Variants in KCNIP4 observed in about 807,000 individuals in gnomAD.
The protein encoded by KCNIP4 is potassium voltage-gated channel interacting protein 4.
A neutral mutation model predicts 34.0 loss-of-function variants in KCNIP4; 12 were observed. That is an observed-to-expected ratio of 0.35 (90% CI 0.23 to 0.57). The LOEUF (loss-of-function observed/expected upper bound fraction) is 0.57, where lower values mean the gene tolerates loss of function less well. KCNIP4 is among the 20% of genes least tolerant of loss of function. KCNIP4 has a pLI of 0.83. For synonymous variants in KCNIP4, 124 were observed against 102.2 expected, an observed-to-expected ratio of 1.21 and a Z score of -1.29; for missense variants, 238 against 311.7, an observed-to-expected ratio of 0.76 and a Z score of 1.78.
At chr4:20,944,193 A>T (rs1460917556) in intron 1 of KCNIP4, among the ~76,000 whole-genome samples, 1 of 152,176 alleles carries the variant, frequency 6.6e-6, no homozygotes, top group African/African-American at 2.4e-5. Flanking sequence ...CACGTTGATC[A>T]TGCTCCATTT....
At chr4:20,817,207 T>C (rs1230113046) in intron 3 of KCNIP4, among the ~76,000 whole-genome samples, 4 of 152,222 alleles carry the variant, frequency 2.6e-5, no homozygotes, top group African/African-American at 9.6e-5. Flanking sequence ...GATGCAGAAT[T>C]GGACCTGTGG....
rs116056198 is a variant in KCNIP4 at position 21,090,274 on chromosome 4, G to A, written c.62-207565C>T. On this transcript the variant is annotated intron_variant, in intron 1 of 8. Transcript: ENST00000382152. The stretch of plus-strand genomic sequence containing the variant: ...CCATAAGGGTAACTATCAGCATGAT[G>A]TGCCAGTGCCATATACCACAGTGTG... Among the ~76,000 whole-genome samples, 836 of 152,270 alleles carry A rather than the reference G, an allele frequency of 5.5e-3. 12 individuals are homozygous for A. The highest frequency in any genetic ancestry group is 0.019 in the African/African-American group (802 of 41,550).
chr4:20,943,324 A>G (rs887192406), intron 1 of KCNIP4, among the ~76,000 whole-genome samples: 6 of 152,194 alleles, frequency 3.9e-5, no homozygotes, highest in African/African-American at 1.4e-4. Flanking sequence ...CATGCCAACC[A>G]GTTTATAGCC....
At chr4:21,324,635 T>C (rs1440487310) in intron 1 of KCNIP4, among the ~76,000 whole-genome samples, 9 of 152,150 alleles carry the variant, frequency 5.9e-5, no homozygotes, top group African/African-American at 1.2e-4. Context: ...AGTGCCTTAC[T>C]GTTTTTATTA....
chr4:21,452,031 T>G (rs573847471), intron 1 of KCNIP4, among the ~76,000 whole-genome samples: 159 of 152,218 alleles, frequency 1.0e-3, no homozygotes, highest in Non-Finnish European at 1.4e-3. Context: ...ATAAGGGTTC[T>G]GTTTCTTCCC....
chr4:21,071,510 G>C (rs1361503414), intron 1 of KCNIP4, among the ~76,000 whole-genome samples: 1 of 152,098 alleles, frequency 6.6e-6, no homozygotes. Flanking sequence ...GTCATGTAGA[G>C]TAACTTTACC....
At chr4:21,681,393 C>T (rs1750337200) in intron 1 of KCNIP4, among the ~76,000 whole-genome samples, 2 of 151,916 alleles carry the variant, frequency 1.3e-5, no homozygotes, top group African/African-American at 4.8e-5. Context: ...AGGCATGAGC[C>T]ACCGTGCCCA....
At chr4:21,454,662 G>A (rs1205197336) in intron 1 of KCNIP4, among the ~76,000 whole-genome samples, 1 of 152,074 alleles carries the variant, frequency 6.6e-6, no homozygotes, top group Non-Finnish European at 1.5e-5. Flanking sequence ...TTTTGCCAGT[G>A]CAACTAAGCA....
chr4:21,858,645 TA>T (rs1314213675), intron 1 of KCNIP4, among the ~76,000 whole-genome samples: 1 of 152,250 alleles, frequency 6.6e-6, no homozygotes, highest in Non-Finnish European at 1.5e-5. Context: ...ATATTTAGTT[TA>T]TAATAAGGTA....
At chr4:21,938,018 T>G (rs1578163686) in intron 1 of KCNIP4, among the ~76,000 whole-genome samples, 1 of 152,278 alleles carries the variant, frequency 6.6e-6, no homozygotes, top group East Asian at 1.9e-4. Flanking sequence ...CATAGTTTTC[T>G]TCTTCCCCAC....
At chr4:21,705,796 T>C (rs1356271507) in intron 1 of KCNIP4, among the ~76,000 whole-genome samples, 2 of 152,186 alleles carry the variant, frequency 1.3e-5, no homozygotes, top group African/African-American at 2.4e-5. Flanking sequence ...CTGTAGACCC[T>C]GGACAGTCAG....
chr4:21,142,297 G>T (rs1029362483), intron 1 of KCNIP4, among the ~76,000 whole-genome samples: 7 of 152,108 alleles, frequency 4.6e-5, no homozygotes, highest in African/African-American at 1.7e-4. Flanking sequence ...TGAATAGTTT[G>T]ATCTGAAATG....
intron 1 of KCNIP4, among the ~76,000 whole-genome samples, chr4:21,876,893 T>C (rs973368247): frequency 2.0e-5 from 3 of 151,750 alleles, no homozygotes; most frequent in Non-Finnish European, 4.4e-5. Context: ...CTCAAATTTG[T>C]AGTGATAACA....
intron 1 of KCNIP4, among the ~76,000 whole-genome samples, chr4:21,446,112 C>T (rs906753590): frequency 2.6e-5 from 4 of 152,112 alleles, no homozygotes; most frequent in Admixed American, 6.6e-5. Flanking sequence ...ATCATTAAAA[C>T]GTCAGGAAAC....
At chr4:21,754,485 C>G (rs1331362203) in intron 1 of KCNIP4, among the ~76,000 whole-genome samples, 2 of 152,098 alleles carry the variant, frequency 1.3e-5, no homozygotes, top group Admixed American at 6.6e-5. Context: ...TAACCATAAG[C>G]AATAGGTATG....
chr4:20,738,492 C>G (rs1750240803), intron 5 of KCNIP4, among the ~76,000 whole-genome samples: 1 of 152,180 alleles, frequency 6.6e-6, no homozygotes, highest in Admixed American at 6.5e-5. Flanking sequence ...CAAGGGGAAG[C>G]CTGTACTGCT....
intron 3 of KCNIP4, among the ~76,000 whole-genome samples, chr4:20,839,148 TA>T (rs1719411379): frequency 1.3e-5 from 2 of 152,124 alleles, no homozygotes; most frequent in South Asian, 4.2e-4. Flanking sequence ...TAACTTTTTT[TA>T]GGGAGGTGAC....
chr4:20,907,984 C>T (rs1343618395), intron 1 of KCNIP4, among the ~76,000 whole-genome samples: 1 of 152,038 alleles, frequency 6.6e-6, no homozygotes, highest in Non-Finnish European at 1.5e-5. Context: ...GATTCCTGAT[C>T]CAGAATACTG....
intron 2 of KCNIP4, among the ~76,000 whole-genome samples, chr4:20,866,234 T>G (rs751052698): frequency 1.3e-4 from 20 of 152,098 alleles, no homozygotes; most frequent in Non-Finnish European, 2.5e-4. Context: ...ATATCCCTCA[T>G]GAATACAGAC....
Sources: gnomAD v4.1 joint callset for allele counts (sites outside exome capture counted in the v4.1 genomes callset) on GRCh38, gnomAD v4.1.1 for gene constraint, MANE v1.5 for transcripts, NCBI Gene and HGNC (gene_info 2026-07-23, HGNC 2026-07-21) for gene names.